Variants in RARB observed in about 807,000 individuals in gnomAD.
RARB encodes retinoic acid receptor beta, also known as HBV-activated protein.
Under a neutral mutation model 51.9 loss-of-function variants are expected in RARB, and 17 were observed. The observed-to-expected ratio is 0.33, with a 90% CI of 0.22 to 0.49. The LOEUF is 0.49. RARB is among the 20% of genes least tolerant of loss of function. The probability of loss-of-function intolerance (pLI) is 0.99; values close to 1 mark genes in which losing one functional copy is unlikely to be tolerated. For missense variants in RARB, 369 were observed against 550.8 expected (o/e 0.67, Z 3.30); for synonymous variants, 215 against 195.4 (o/e 1.10, Z -0.84).
At chr3:25,072,101 G>T (rs930306913) in intron 3 of RARB, among the ~76,000 whole-genome samples, 1 of 152,236 alleles carries the variant, frequency 6.6e-6, no homozygotes, top group East Asian at 1.9e-4. Context: ...CTGCTAGAAG[G>T]CTGCGTGATG....
chr3:25,368,653 C>T (rs895828317), intron 5 of RARB, among the ~76,000 whole-genome samples: 19 of 152,168 alleles, frequency 1.2e-4, no homozygotes, highest in African/African-American at 4.3e-4. Flanking sequence ...GAACTGCTGA[C>T]ACACAGTTCT....
In RARB at chr3:25,396,257, GAGGTAGC is replaced by G. The variant is rs561704787; in HGVS notation, c.179-64932_179-64926del. ...ATGGATACCAGCACGTGCTCTGGTG[GAGGTAGC>G]AGGGCAGTGAATTGAACTCTTTGAG... On this transcript the variant is annotated intron_variant, in intron 5 of 11. Transcript: ENST00000383772. Among the ~76,000 whole-genome samples, 15 of 152,370 alleles carry G rather than the reference GAGGTAGC, an allele frequency of 9.8e-5. No homozygotes were observed. The South Asian group carries it at 3.1e-3, about 32-fold the overall frequency.
At chr3:25,326,700 C>A (rs115375298) in intron 5 of RARB, among the ~76,000 whole-genome samples, 2,016 of 152,174 alleles carry the variant, frequency 0.013, 43 homozygotes, top group African/African-American at 0.045. Flanking sequence ...TGGAATCTCT[C>A]CTGAAACATT....
intron 2 of RARB, among the ~76,000 whole-genome samples, chr3:25,002,243 A>C (rs1697176572): frequency 6.6e-6 from 1 of 152,204 alleles, no homozygotes; most frequent in Non-Finnish European, 1.5e-5. Flanking sequence ...GGCAGAGCAC[A>C]CTTCCCACGT....
intron 2 of RARB, among the ~76,000 whole-genome samples, chr3:24,963,233 G>A (rs1248854610): frequency 6.6e-6 from 1 of 151,884 alleles, no homozygotes; most frequent in East Asian, 1.9e-4. Context: ...CCCCTTGGCT[G>A]TTTGAAATGG....
In RARB at chr3:25,336,848, G is replaced by A. The variant is rs184975425; in HGVS notation, c.179-124345G>A. Among the ~76,000 whole-genome samples, 109 of 152,206 alleles carry A rather than the reference G, an allele frequency of 7.2e-4. 1 individual carries two copies. The East Asian group carries it at 7.6e-3, about 11-fold the overall frequency. ...GAGAGAGTGATTGACGCTGTAGAAC[G>A]GCTCACTTGGGAGACCCAGAGTGTC... On this transcript the variant is annotated intron_variant, in intron 5 of 11. Coordinates refer to the RARB transcript ENST00000383772.
At chr3:25,082,577 G>C (rs935611251) in intron 3 of RARB, among the ~76,000 whole-genome samples, 1 of 151,872 alleles carries the variant, frequency 6.6e-6, no homozygotes, top group African/African-American at 2.4e-5. Context: ...CCTGTCTTTT[G>C]TGTTATTTCT....
intron 5 of RARB, among the ~76,000 whole-genome samples, chr3:25,331,106 G>C (rs1006803357): frequency 6.6e-6 from 1 of 152,130 alleles, no homozygotes; most frequent in Non-Finnish European, 1.5e-5. Context: ...GTCAACATTA[G>C]ACAGATCAGC....
In RARB at chr3:25,376,663, T is replaced by A. The variant is rs1381294363; in HGVS notation, c.179-84530T>A. 3.3e-5 allele frequency among the ~76,000 whole-genome samples: 5 copies of A among 152,238 alleles called. No homozygotes were observed. The South Asian group carries it at 1.0e-3, about 32-fold the overall frequency. On this transcript the variant is annotated intron_variant, in intron 5 of 11. Coordinates refer to the RARB transcript ENST00000383772. ...GTAAACCACACTGTTTCTTTTCTGT[T>A]GGCATTAATGGACACTTGAACTTTT...
chr3:25,072,731 T>TA (rs984358548), intron 3 of RARB, among the ~76,000 whole-genome samples: 1 of 151,614 alleles, frequency 6.6e-6, no homozygotes, highest in Non-Finnish European at 1.5e-5. Flanking sequence ...TTTTTTGAGA[T>TA]AGAGTCTCGC....
rs574440786 is a variant in RARB at position 25,323,289 on chromosome 3, G to A, written c.179-137904G>A. Among the ~76,000 whole-genome samples, 26 of 152,336 alleles carry A rather than the reference G, an allele frequency of 1.7e-4. 1 individual carries two copies. Among genetic ancestry groups the A allele is most frequent in the South Asian group, 4.1e-4 (2 of 4,822 alleles). ...ATGAGGGGAAATAGACCCAAGGTGG[G>A]AGGAATGGCACAGCCACATTACAAA... is the stretch of plus-strand genomic sequence containing the variant. On this transcript the variant is annotated intron_variant, in intron 5 of 11. Transcript: ENST00000383772.
intron 5 of RARB, among the ~76,000 whole-genome samples, chr3:25,194,388 T>C (rs1181580089): frequency 6.6e-6 from 1 of 151,582 alleles, no homozygotes; most frequent in Non-Finnish European, 1.5e-5. Flanking sequence ...TTTTACCATA[T>C]GCACATACAC....
chr3:25,316,316 T>A (rs1019856322), intron 5 of RARB, among the ~76,000 whole-genome samples: 3 of 152,104 alleles, frequency 2.0e-5, no homozygotes, highest in Non-Finnish European at 4.4e-5. Flanking sequence ...AGGAAAGCCT[T>A]AATTATGGGT....
intron 3 of RARB, among the ~76,000 whole-genome samples, chr3:25,511,158 C>T (rs980301033): frequency 1.3e-5 from 2 of 150,652 alleles, no homozygotes; most frequent in Admixed American, 6.6e-5. Flanking sequence ...TTTGAGATGG[C>T]GTCTTGCTCT....
chr3:24,956,081 C>T (rs138333690), intron 2 of RARB, among the ~76,000 whole-genome samples: 33 of 152,126 alleles, frequency 2.2e-4, no homozygotes, highest in African/African-American at 8.0e-4. Context: ...GGTTGGACAG[C>T]GGGGTTAGAA....
chr3:25,194,925 A>T (rs180934075), intron 5 of RARB, among the ~76,000 whole-genome samples: 1 of 151,974 alleles, frequency 6.6e-6, no homozygotes, highest in Non-Finnish European at 1.5e-5. Context: ...TGCTTGAAAG[A>T]GTATGGTGGA....
chr3:25,186,212 T>G (rs1450283694), intron 5 of RARB, among the ~76,000 whole-genome samples: 2 of 152,094 alleles, frequency 1.3e-5, no homozygotes, highest in African/African-American at 4.8e-5. Context: ...CAACCTCATA[T>G]TGGTGATACA....
chr3:24,912,569 T>C (rs1284732854), intron 2 of RARB, among the ~76,000 whole-genome samples: 2 of 152,076 alleles, frequency 1.3e-5, no homozygotes, highest in Non-Finnish European at 2.9e-5. Context: ...CAGCTTAACA[T>C]AGCCAATCTT....
intron 5 of RARB, among the ~76,000 whole-genome samples, chr3:25,357,473 C>G (rs568972395): frequency 1.3e-5 from 2 of 152,302 alleles, no homozygotes; most frequent in Non-Finnish European, 2.9e-5. Context: ...CCTGTTCACT[C>G]TGATGATAGT....
Sources: gnomAD v4.1 joint callset for allele counts (sites outside exome capture counted in the v4.1 genomes callset) on GRCh38, gnomAD v4.1.1 for gene constraint, MANE v1.5 for transcripts, NCBI Gene and HGNC (gene_info 2026-07-23, HGNC 2026-07-21) for gene names.